Variants in B3GALT1 observed in about 807,000 individuals in gnomAD.
The protein encoded by B3GALT1 is UDP-Gal:betaGlcNAc beta 1,3-galactosyltransferase, polypeptide 1.
Under a neutral mutation model 23.2 loss-of-function variants are expected in B3GALT1, and 10 were observed. That is an observed-to-expected ratio of 0.43 (90% confidence interval 0.27 to 0.73). The LOEUF is 0.73. Among genes scored for constraint, B3GALT1 ranks in the 30% least tolerant of loss-of-function variants. The probability of loss-of-function intolerance (pLI) is 0.21; values close to 1 mark genes in which losing one functional copy is unlikely to be tolerated. For synonymous variants in B3GALT1, 156 were observed against 141.5 expected, an observed-to-expected ratio of 1.10 and a Z score of -0.73; for missense variants, 299 against 405.4, an observed-to-expected ratio of 0.74 and a Z score of 2.25.
chr2:167,512,604 A>ACG lies in B3GALT1; in HGVS notation c.-410+22327_-410+22328insCG, dbSNP rs1159036466. The stretch of plus-strand genomic sequence containing the variant: ...TGTATATATATATGTGTATATATAT[A>ACG]TATGTATATATATATACGTGTATAT... On this transcript the variant is annotated intron_variant, in intron 2 of 4. Transcript: ENST00000392690. Among the ~76,000 whole-genome samples the ACG allele has an allele frequency of 7.0e-4, 72 of 102,448 alleles. 7 individuals carry two copies. In the East Asian group the frequency reaches 0.012, roughly 17 times the overall value. 67.2% of individuals were successfully genotyped at this position (102,448 alleles called of 152,430 possible). A position where few individuals can be genotyped will look rare whatever the true frequency, so the allele number is the denominator to read the frequency against.
chr2:167,526,275 A>G (rs988374229), intron 2 of B3GALT1, among the ~76,000 whole-genome samples: 4 of 152,108 alleles, frequency 2.6e-5, no homozygotes, highest in Non-Finnish European at 4.4e-5. Context: ...ATTCCTGTTT[A>G]TGTCTCCAAC....
intron 1 of B3GALT1, among the ~76,000 whole-genome samples, chr2:167,475,745 T>C (rs993671049): frequency 2.6e-5 from 4 of 152,060 alleles, no homozygotes; most frequent in African/African-American, 9.7e-5. Flanking sequence ...ACTGGCGGGC[T>C]CAAACAGTAG....
chr2:167,452,801 T>TACAAGAGGCTGATGTAGAAGCC (rs1699109434), intron 1 of B3GALT1, among the ~76,000 whole-genome samples: 1 of 152,172 alleles, frequency 6.6e-6, no homozygotes, highest in Non-Finnish European at 1.5e-5. Context: ...CAACCAAAGA[T>TACAAGAGGCTGATGTAGAAGCC]ACAAGAGGCT....
chr2:167,517,080 C>G (rs1271376957), intron 2 of B3GALT1, among the ~76,000 whole-genome samples: 1 of 151,902 alleles, frequency 6.6e-6, no homozygotes, highest in South Asian at 2.1e-4. Context: ...TCTAACAAAA[C>G]AAAGTCTGGT....
intron 2 of B3GALT1, among the ~76,000 whole-genome samples, chr2:167,517,041 G>T: frequency 6.6e-6 from 1 of 151,654 alleles, no homozygotes; most frequent in East Asian, 1.9e-4. Context: ...CTGGTTTGTT[G>T]TGAGCTTTTC....
At chr2:167,421,123 C>T (rs1351456626) in intron 1 of B3GALT1, among the ~76,000 whole-genome samples, 3 of 152,120 alleles carry the variant, frequency 2.0e-5, no homozygotes, top group Admixed American at 2.0e-4. Context: ...TACTAATTGT[C>T]TGGTATTTCA....
intron 3 of B3GALT1, among the ~76,000 whole-genome samples, chr2:167,759,795 T>C (rs190183230): frequency 6.6e-6 from 1 of 152,178 alleles, no homozygotes; most frequent in African/African-American, 2.4e-5. Context: ...TGCAGCCATG[T>C]CTGTGGTAAG....
rs563033776 is a variant in B3GALT1, at chr2:167,566,252, G to GA, written c.-410+75981dup. The stretch of plus-strand genomic sequence containing the variant: ...CATTCTCAATAAACTATCGCAAGGA[G>GA]AAAAAACCAAACACCGCATGTTCTC... On this transcript the variant is annotated intron_variant, in intron 2 of 4. Transcript: ENST00000392690. Among the ~76,000 whole-genome samples, 637 of 150,274 alleles carry GA rather than the reference G, an allele frequency of 4.2e-3. 4 individuals are homozygous for GA. Among genetic ancestry groups the GA allele is most frequent in the African/African-American group, 0.015 (603 of 40,840 alleles).
At chr2:167,646,040 A>G (rs77203557) in intron 2 of B3GALT1, among the ~76,000 whole-genome samples, 5,358 of 152,254 alleles carry the variant, frequency 0.035, 192 homozygotes, top group African/African-American at 0.088. Flanking sequence ...ACAGTTTTCT[A>G]TACCTTTTCT....
intron 2 of B3GALT1, among the ~76,000 whole-genome samples, chr2:167,533,152 C>A (rs2105369090): frequency 6.6e-6 from 1 of 152,186 alleles, no homozygotes; most frequent in East Asian, 1.9e-4. Context: ...TGAGCTACTG[C>A]ACCTGGCTAC....
intron 3 of B3GALT1, among the ~76,000 whole-genome samples, chr2:167,790,843 G>A (rs1008837705): frequency 6.6e-6 from 1 of 152,040 alleles, no homozygotes; most frequent in African/African-American, 2.4e-5. Context: ...TTTAATGGCT[G>A]TTCCCTAAGC....
At chr2:167,649,188 A>G (rs139927281) in intron 3 of B3GALT1, among the ~76,000 whole-genome samples, 85 of 152,156 alleles carry the variant, frequency 5.6e-4, no homozygotes, top group African/African-American at 1.9e-3. Flanking sequence ...ACTTTTTAAT[A>G]TTAGTCAATT....
intron 3 of B3GALT1, among the ~76,000 whole-genome samples, chr2:167,660,355 A>G (rs1313640222): frequency 6.6e-6 from 1 of 152,066 alleles, no homozygotes; most frequent in Non-Finnish European, 1.5e-5. Flanking sequence ...CTGTGCTTTA[A>G]GGGTCTAGAA....
intron 3 of B3GALT1, among the ~76,000 whole-genome samples, chr2:167,754,684 C>T (rs1237044704): frequency 6.6e-6 from 1 of 152,018 alleles, no homozygotes; most frequent in African/African-American, 2.4e-5. Flanking sequence ...ACATCAAGTC[C>T]ACATCTTACA....
At chr2:167,715,012 G>A (rs1458285833) in intron 3 of B3GALT1, 25 of 1,611,374 alleles carry the variant, frequency 1.6e-5, no homozygotes, top group East Asian at 1.3e-4. Flanking sequence ...TAATATGCTC[G>A]GTAAGCTCTT....
At chr2:167,735,769 G>C (rs2105270602) in intron 3 of B3GALT1, among the ~76,000 whole-genome samples, 1 of 152,256 alleles carries the variant, frequency 6.6e-6, no homozygotes, top group South Asian at 2.1e-4. Flanking sequence ...ATTATCCAGT[G>C]AAGAATATAT....
intron 2 of B3GALT1, among the ~76,000 whole-genome samples, chr2:167,523,699 A>G (rs1231374075): frequency 6.6e-6 from 1 of 152,160 alleles, no homozygotes; most frequent in African/African-American, 2.4e-5. Flanking sequence ...TGCTGGGATG[A>G]CAGGTGTGAG....
intron 1 of B3GALT1, among the ~76,000 whole-genome samples, chr2:167,350,373 A>G (rs1023149974): frequency 7.9e-5 from 12 of 152,248 alleles, no homozygotes; most frequent in Non-Finnish European, 1.2e-4. Flanking sequence ...CTTATAAAAT[A>G]CAAATATTAC....
intron 1 of B3GALT1, among the ~76,000 whole-genome samples, chr2:167,336,572 A>C (rs73015883): frequency 0.017 from 2,588 of 152,178 alleles, 84 homozygotes; most frequent in African/African-American, 0.059. Flanking sequence ...CCTTTTCTTC[A>C]GGTATAGAAA....
Sources: gnomAD v4.1 joint callset for allele counts (sites outside exome capture counted in the v4.1 genomes callset) on GRCh38, gnomAD v4.1.1 for gene constraint, MANE v1.5 for transcripts, NCBI Gene and HGNC (gene_info 2026-07-23, HGNC 2026-07-21) for gene names.